The following FRMD4A variants were observed in gnomAD, a reference collection of about 807,000 sequenced individuals.
FRMD4A encodes FERM domain-containing protein 4A.
In FRMD4A, 29 loss-of-function variants were observed where a neutral mutation model predicts 129.1. The observed-to-expected ratio is 0.22, with a 90% CI of 0.17 to 0.31. The LOEUF (loss-of-function observed/expected upper bound fraction) is 0.31, where lower values mean the gene tolerates loss of function less well. Among genes scored for constraint, FRMD4A ranks in the 10% least tolerant of loss-of-function variants. The pLI is 1.00. For synonymous variants in FRMD4A, 634 were observed against 571.6 expected (o/e 1.11, Z -1.56); for missense variants, 1,272 against 1,375.8 (o/e 0.92, Z 1.19).
At chr10:13,853,196 T>A (rs2094163072) in intron 3 of FRMD4A, among the ~76,000 whole-genome samples, 1 of 152,010 alleles carries the variant, frequency 6.6e-6, no homozygotes, top group Non-Finnish European at 1.5e-5. Context: ...TGTGGCAGAA[T>A]TGAGGGGATG....
intron 24 of FRMD4A, chr10:13,651,142 T>TAGGTTC (rs1004812884): frequency 3.9e-5 from 6 of 152,362 alleles, no homozygotes; most frequent in East Asian, 1.9e-4. Flanking sequence ...AAATGCACAT[T>TAGGTTC]AGGTTCAGTA....
chr10:14,202,696 T>G (rs188768309), intron 2 of FRMD4A, among the ~76,000 whole-genome samples: 10 of 152,276 alleles, frequency 6.6e-5, no homozygotes, highest in African/African-American at 2.2e-4. Flanking sequence ...CCACCGCGAC[T>G]GGCTACACCT....
chr10:14,104,411 A>T (rs939993749), intron 2 of FRMD4A, among the ~76,000 whole-genome samples: 4 of 152,246 alleles, frequency 2.6e-5, no homozygotes, highest in African/African-American at 7.2e-5. Flanking sequence ...ACCAGACCTC[A>T]GTCTCTGCGC....
intron 2 of FRMD4A, among the ~76,000 whole-genome samples, chr10:14,245,997 T>C (rs900408350): frequency 1.3e-5 from 2 of 152,088 alleles, no homozygotes; most frequent in African/African-American, 4.8e-5. Context: ...AGAACCTCCC[T>C]CCGTCATCTG....
chr10:14,238,043 G>A (rs756213759), intron 2 of FRMD4A, among the ~76,000 whole-genome samples: 4 of 152,200 alleles, frequency 2.6e-5, no homozygotes, highest in African/African-American at 9.7e-5. Context: ...GGGACAGGCA[G>A]CAAGTGCTTA....
chr10:14,020,899 G>T (rs1832715202), intron 2 of FRMD4A, among the ~76,000 whole-genome samples: 1 of 152,112 alleles, frequency 6.6e-6, no homozygotes, highest in African/African-American at 2.4e-5. Context: ...ATTGCAGCAG[G>T]CGACTTAAAA....
intron 3 of FRMD4A, among the ~76,000 whole-genome samples, chr10:13,854,089 G>A (rs754769550): frequency 2.8e-4 from 43 of 152,028 alleles, no homozygotes; most frequent in Non-Finnish European, 5.1e-4. Context: ...TTTTATGAAG[G>A]TCAAGAGAAA....
At chr10:13,663,709 G>A (rs1311453417) in intron 18 of FRMD4A, among the ~76,000 whole-genome samples, 200 bp from the exon 19 acceptor site, 3 of 152,080 alleles carry the variant, frequency 2.0e-5, no homozygotes, top group East Asian at 1.9e-4. Flanking sequence ...TCCCCACCCC[G>A]ACACTGCCAT....
chr10:13,817,134 A>G (rs758770488), intron 3 of FRMD4A, among the ~76,000 whole-genome samples: 1 of 152,232 alleles, frequency 6.6e-6, no homozygotes, highest in Non-Finnish European at 1.5e-5. Flanking sequence ...CACCACTCAC[A>G]GAGCTAATAG....
At chr10:13,989,616 C>T (rs978452086) in intron 2 of FRMD4A, among the ~76,000 whole-genome samples, 12 of 152,188 alleles carry the variant, frequency 7.9e-5, no homozygotes, top group African/African-American at 2.7e-4. Context: ...CGTGAGCCAA[C>T]GCGCCCAGCC....
intron 4 of FRMD4A, among the ~76,000 whole-genome samples, chr10:13,803,673 T>G (rs2130852907): frequency 6.6e-6 from 1 of 152,296 alleles, no homozygotes; most frequent in African/African-American, 2.4e-5. Flanking sequence ...ACACCACGTT[T>G]TGTGAATCAC....
chr10:13,915,785 C>T (rs929955427), intron 2 of FRMD4A, among the ~76,000 whole-genome samples: 3 of 152,054 alleles, frequency 2.0e-5, no homozygotes, highest in African/African-American at 7.2e-5. Context: ...AGTGTCCTCT[C>T]CCTGGAGTGT....
intron 11 of FRMD4A, among the ~76,000 whole-genome samples, chr10:13,738,649 C>T (rs2090793918): frequency 1.3e-5 from 2 of 151,970 alleles, no homozygotes; most frequent in South Asian, 4.1e-4. Flanking sequence ...GAGATGGAGT[C>T]TCACTCTGTC....
intron 2 of FRMD4A, among the ~76,000 whole-genome samples, chr10:13,951,460 G>A (rs1184299052): frequency 1.3e-5 from 2 of 152,096 alleles, no homozygotes; most frequent in Non-Finnish European, 2.9e-5. Context: ...AAAGAAGTGG[G>A]GAAAGTTGAA....
intron 4 of FRMD4A, 23 bp from the exon 5 acceptor site, chr10:13,796,611 G>C: frequency 7.7e-7 from 1 of 1,296,054 alleles, no homozygotes; most frequent in East Asian, 2.3e-5. Flanking sequence ...GAGACAAATT[G>C]GTTAGGGGTT....
chr10:14,295,259 G>A (rs1845973899), intron 2 of FRMD4A, among the ~76,000 whole-genome samples: 1 of 152,158 alleles, frequency 6.6e-6, no homozygotes, highest in South Asian at 2.1e-4. Flanking sequence ...TCCATGTGAT[G>A]CCCTAGTTTT....
intron 12 of FRMD4A, among the ~76,000 whole-genome samples, chr10:13,733,468 T>C (rs566985703): frequency 1.3e-5 from 2 of 152,122 alleles, no homozygotes; most frequent in South Asian, 4.1e-4. Flanking sequence ...GGAGTCTCGC[T>C]CTGGAGTGCA....
intron 2 of FRMD4A, among the ~76,000 whole-genome samples, chr10:13,916,232 C>T (rs539300128): frequency 1.3e-5 from 2 of 152,192 alleles, no homozygotes; most frequent in Non-Finnish European, 2.9e-5. Flanking sequence ...GAGCCCCGCT[C>T]AGCTCCATCA....
At chr10:13,822,006 T>A (rs988553226) in intron 3 of FRMD4A, among the ~76,000 whole-genome samples, 4 of 151,684 alleles carry the variant, frequency 2.6e-5, no homozygotes, top group Non-Finnish European at 4.4e-5. Flanking sequence ...ACAAAGTACA[T>A]CAAGGAAAGG....
Sources: allele counts gnomAD v4.1 joint callset (sites outside exome capture counted in the v4.1 genomes callset), GRCh38; gene constraint gnomAD v4.1.1; transcripts MANE v1.5; gene names NCBI Gene and HGNC (gene_info 2026-07-23, HGNC 2026-07-21).